The following FMO5 variants were observed in gnomAD, a reference collection of about 807,000 sequenced individuals.
FMO5 encodes the protein flavin-containing monooxygenase 5.
In FMO5, 51 loss-of-function variants were observed where a neutral mutation model predicts 43.6. The observed-to-expected ratio is 1.17, with a 90% confidence interval of 0.93 to 1.48. The LOEUF (loss-of-function observed/expected upper bound fraction) is 1.48. FMO5 is among the 40% of genes most tolerant of loss of function. The pLI is 0.00. For missense variants in FMO5, 644 were observed against 643.0 expected (o/e 1.00, Z -0.02); for synonymous variants, 187 against 216.5 (o/e 0.86, Z 1.20).
Position 147,195,088 on chromosome 1 carries a change from T to A in FMO5, c.1184-4839A>T, listed in dbSNP as rs995500623. 9.2e-5 allele frequency among the ~76,000 whole-genome samples: 14 copies of A among 152,236 alleles called. No individual in the cohort carries two copies. In the South Asian group the frequency reaches 2.9e-3, roughly 32 times the overall value. On this transcript the variant is annotated intron_variant, in intron 7 of 8. Transcript: ENST00000254090. ...AGATTGGGGAAGTTCTCCTGGATAA[T>A]ATCCTGCAGAGTGTTTTCCAACTTG...
intron 5 of FMO5, among the ~76,000 whole-genome samples, 177 bp from the exon 6 acceptor site, chr1:147,209,228 G>C (rs868929572): frequency 9.9e-5 from 15 of 151,948 alleles, no homozygotes; most frequent in Non-Finnish European, 1.0e-4. Context: ...GACCATCCTG[G>C]CTAACACAGT....
intron 8 of FMO5, 25 bp from the exon 9 acceptor site, chr1:147,187,270 T>C: frequency 6.5e-7 from 1 of 1,527,214 alleles, no homozygotes; most frequent in Non-Finnish European, 8.9e-7. Flanking sequence ...ACAGAAACCA[T>C]GGCCTGTCAA....
chr1:147,207,250 G>A (rs28381203), intron 6 of FMO5, among the ~76,000 whole-genome samples: 5,610 of 152,162 alleles, frequency 0.037, 148 homozygotes, highest in South Asian at 0.095. Flanking sequence ...GTGTATGTAT[G>A]CTCTATATGT....
chr1:147,199,160 CAGA>C (rs1343647133), intron 7 of FMO5, among the ~76,000 whole-genome samples: 3 of 151,758 alleles, frequency 2.0e-5, no homozygotes, highest in Non-Finnish European at 4.4e-5. Flanking sequence ...TTCCAGAGAA[CAGA>C]AGAAGAAGGA....
chr1:147,195,146 A>G (rs1013628308), intron 7 of FMO5, among the ~76,000 whole-genome samples: 5 of 152,120 alleles, frequency 3.3e-5, no homozygotes, highest in African/African-American at 4.8e-5. Context: ...CAGGTTCACC[A>G]ATCCGACGTA....
intron 7 of FMO5, among the ~76,000 whole-genome samples, chr1:147,192,715 G>C (rs1203347476): frequency 2.0e-5 from 3 of 152,056 alleles, no homozygotes; most frequent in Non-Finnish European, 2.9e-5. Context: ...AGAGTTTTTA[G>C]CATGAAGTGT....
intron 2 of FMO5, among the ~76,000 whole-genome samples, chr1:147,218,427 C>G (rs1662399303): frequency 6.6e-6 from 1 of 151,624 alleles, no homozygotes; most frequent in South Asian, 2.1e-4. Context: ...TTAGTAGAGA[C>G]GGGTTTCACC....
intron 6 of FMO5, among the ~76,000 whole-genome samples, chr1:147,202,822 A>G (rs973287024): frequency 1.3e-5 from 2 of 152,086 alleles, no homozygotes; most frequent in Non-Finnish European, 2.9e-5. Context: ...CAGCAGTACC[A>G]CCATCCATCC....
rs935512735 is a variant in FMO5, at chr1:147,202,997, T to C, written c.831-1493A>G. Among the ~76,000 whole-genome samples the C allele has an allele frequency of 2.0e-5, 3 of 152,162 alleles. No individual in the cohort carries two copies. In the East Asian group the frequency reaches 5.8e-4, roughly 29 times the overall value. On this transcript the variant is annotated intron_variant, in intron 6 of 8. Transcript: ENST00000254090. ...CCTGTCTCATCCCACTCCCACACCA[T>C]TTTCAAAATGGTCTTTCTAAAATGT...
At chr1:147,201,603 A>G (rs113731014) in intron 6 of FMO5, 99 bp from the exon 7 acceptor site, 6 of 799,012 alleles carry the variant, frequency 7.5e-6, no homozygotes, top group African/African-American at 1.7e-5. Context: ...CAGGATGCCA[A>G]TAATCTTCCC....
intron 3 of FMO5, chr1:147,214,959 T>C (rs1377404066): frequency 6.6e-6 from 1 of 152,174 alleles, no homozygotes; most frequent in African/African-American, 2.4e-5. Flanking sequence ...CTAGATGTTT[T>C]CATTTTCTTA....
chr1:147,213,885 C>G (rs587762515), intron 3 of FMO5, among the ~76,000 whole-genome samples: 2 of 152,224 alleles, frequency 1.3e-5, no homozygotes, highest in South Asian at 4.1e-4. Flanking sequence ...CTTCTCCTGG[C>G]TACCTTTAAA....
At chr1:147,226,786 A>G (rs1407134045), upstream of FMO5, among the ~76,000 whole-genome samples, 1 of 151,814 alleles carries the variant, frequency 6.6e-6, no homozygotes, top group Non-Finnish European at 1.5e-5. Context: ...TGTTGTATTT[A>G]TAGCAACTTA....
At chr1:147,196,762 T>A (rs1658087917) in intron 7 of FMO5, among the ~76,000 whole-genome samples, 1 of 152,156 alleles carries the variant, frequency 6.6e-6, no homozygotes, top group Admixed American at 6.5e-5. Flanking sequence ...CCTGTCTTAG[T>A]TTCCCAATTC....
At chr1:147,212,918 T>G (rs78919976) in intron 4 of FMO5, among the ~76,000 whole-genome samples, 1 of 151,990 alleles carries the variant, frequency 6.6e-6, no homozygotes. Flanking sequence ...CTTTTTTTTT[T>G]AAAATGAAAA....
At chr1:147,189,091 T>C (rs1656195531) in intron 8 of FMO5, among the ~76,000 whole-genome samples, 1 of 151,890 alleles carries the variant, frequency 6.6e-6, no homozygotes, top group African/African-American at 2.4e-5. Context: ...CTGGCCAACA[T>C]GGAGAAATCC....
chr1:147,194,610 C>T (rs1657598377), intron 7 of FMO5, among the ~76,000 whole-genome samples: 1 of 152,116 alleles, frequency 6.6e-6, no homozygotes, highest in South Asian at 2.1e-4. Flanking sequence ...CCTTGACAGT[C>T]TTTACATTTT....
chr1:147,226,766 T>C (rs1344571183), upstream of FMO5, among the ~76,000 whole-genome samples: 6 of 152,192 alleles, frequency 3.9e-5, no homozygotes, highest in Non-Finnish European at 5.9e-5. Flanking sequence ...GTTTGTGCCA[T>C]TGAATTTTTT....
intron 6 of FMO5, among the ~76,000 whole-genome samples, chr1:147,203,021 G>A: frequency 6.6e-6 from 1 of 151,744 alleles, no homozygotes; most frequent in East Asian, 1.9e-4. Flanking sequence ...TTTCTAAAAT[G>A]TAGGTATGAT....
Sources: gnomAD v4.1 joint callset for allele counts (sites outside exome capture counted in the v4.1 genomes callset) on GRCh38, gnomAD v4.1.1 for gene constraint, MANE v1.5 for transcripts, NCBI Gene and HGNC (gene_info 2026-07-23, HGNC 2026-07-21) for gene names.